TNRC18: variants seen among roughly 807,000 people sequenced by gnomAD.
TNRC18 encodes the protein trinucleotide repeat containing 18, also known as trinucleotide repeat-containing gene 18 protein.
A neutral mutation model predicts 226.7 loss-of-function variants in TNRC18; 69 were observed. That is an observed-to-expected ratio of 0.30 (90% confidence interval 0.25 to 0.37). The LOEUF is 0.37. Among genes scored for constraint, TNRC18 ranks in the 10% least tolerant of loss-of-function variants. TNRC18 has a pLI of 1.00. For missense variants in TNRC18, 4,754 were observed against 4,256.6 expected (o/e 1.12, Z -3.25); for synonymous variants, 2,449 against 1,927.6 (o/e 1.27, Z -7.09).
At position 5,388,446 on chromosome 7, in the gene TNRC18, C is replaced by T. The variant is rs761532239; in HGVS notation, c.1378G>A (p.Val460Met). 1.9e-5 allele frequency: 28 copies of T among 1,459,566 alleles called. No individual in the cohort carries two copies. Among genetic ancestry groups the T allele is most frequent in the Non-Finnish European group, 2.5e-5 (28 of 1,118,168 alleles). The allele number at this position is 1,459,566 out of a possible 1,614,324, so 90.4% of individuals were successfully genotyped here. Reference protein sequence around the residue: ...TRASPDPRAYVPAKELLKPEA... With the variant: ...TRASPDPRAYMPAKELLKPEA... ...GGCTTGAGCAGCTCCTTGGCAGGCACGTAGGCGCGGGGGTCCGGGGAGGCG... is the reference window on the plus strand; with the variant it reads ...GGCTTGAGCAGCTCCTTGGCAGGCATGTAGGCGCGGGGGTCCGGGGAGGCG... The change falls in exon 5 of 30, where the codon GTG becomes ATG. Residue 460 changes from valine (V) to methionine (M), a missense_variant. Transcript: ENST00000430969.
intron 27 of TNRC18, among the ~76,000 whole-genome samples, chr7:5,311,416 G>C (rs917147988): frequency 1.3e-5 from 2 of 152,342 alleles, no homozygotes; most frequent in African/African-American, 2.4e-5. Context: ...CCAGGCCAAG[G>C]AGCTTCAATC....
At chr7:5,360,482 G>C (rs995242738) in intron 14 of TNRC18, among the ~76,000 whole-genome samples, 1 of 152,042 alleles carries the variant, frequency 6.6e-6, no homozygotes, top group Non-Finnish European at 1.5e-5. Flanking sequence ...CGCCTGCCTC[G>C]GCCTCCTAAA....
At chr7:5,378,302 A>G (rs558623392) in intron 5 of TNRC18, among the ~76,000 whole-genome samples, 1 of 152,356 alleles carries the variant, frequency 6.6e-6, no homozygotes, top group South Asian at 2.1e-4. Flanking sequence ...CCGTGGCGAT[A>G]ATTAGGCCAA....
rs1787519811 is a variant in TNRC18 at position 5,313,558 on chromosome 7, C to G, written c.7333G>C (p.Glu2445Gln). ...PKPKKARAAEESGAKGPRRPG... is the reference protein window; with the variant it reads ...PKPKKARAAEQSGAKGPRRPG... ...CTCCGAGGGCCCTTGGCACCCGACT[C>G]CTCGGCTGCCCGCGCCTTCTTGGGC... The change falls in exon 27 of 30, where the codon GAG (glutamate) becomes CAG (glutamine). Residue 2445 changes from glutamate to glutamine, a missense_variant. Glu to Gln is a conservative substitution (Grantham distance 29, BLOSUM62 2). Coordinates refer to ENST00000430969, the MANE Select transcript of TNRC18 (RefSeq NM_001080495.3). 6.2e-7 allele frequency: 1 copy of G among 1,606,880 alleles called. No homozygotes were observed. Among genetic ancestry groups the G allele is most frequent in the African/African-American group, 1.3e-5 (1 of 74,782 alleles).
At chr7:5,329,848 T>C in intron 19 of TNRC18, 1 of 464,104 alleles carries the variant, frequency 2.2e-6, no homozygotes, top group South Asian at 1.6e-5. Context: ...CAAGAGTTCC[T>C]TCTGTTGGAG....
intron 11 of TNRC18, among the ~76,000 whole-genome samples, chr7:5,364,462 A>AACACACACACACACAC (rs58752853): frequency 9.5e-4 from 111 of 116,708 alleles, no homozygotes; most frequent in Middle Eastern, 4.1e-3. Flanking sequence ...TCTCAAAGAA[A>AACACACACACACACAC]ACACACACAC....
At chr7:5,350,435 G>A (rs1375138946) in intron 17 of TNRC18, among the ~76,000 whole-genome samples, 1 of 140,778 alleles carries the variant, frequency 7.1e-6, no homozygotes, top group Non-Finnish European at 1.6e-5. Context: ...AAACAGGGCG[G>A]GCGGGGGGCG....
rs373532696 is a variant in TNRC18 at position 5,370,655 on chromosome 7, G to A, written c.3939C>T (p.Ala1313=). 59 of 1,612,802 alleles carry A rather than the reference G, an allele frequency of 3.7e-5. No individual in the cohort carries two copies. The African/African-American group carries it at 5.5e-4, about 15-fold the overall frequency. ...GQCPSLEPQE[A]VPVLGSTCFL... The stretch of plus-strand genomic sequence containing the variant: ...AGCAGGTGCTGCCGAGTACAGGCAC[G>A]GCCTCTTGGGGCTCCAGGCTCGGGC... Residue 1313 remains alanine, a synonymous_variant, in exon 11 of 30, where the codon GCC becomes GCT. Coordinates refer to ENST00000430969, the MANE Select transcript of TNRC18 (RefSeq NM_001080495.3).
intron 2 of TNRC18, among the ~76,000 whole-genome samples, chr7:5,415,902 T>A (rs545235883): frequency 3.8e-5 from 5 of 131,124 alleles, no homozygotes; most frequent in African/African-American, 1.4e-4. Context: ...AGGCCAGGAG[T>A]TCGAGACCAG....
At chr7:5,368,654 G>T (rs1360203489) in intron 11 of TNRC18, among the ~76,000 whole-genome samples, 1 of 109,812 alleles carries the variant, frequency 9.1e-6, no homozygotes, top group Non-Finnish European at 1.8e-5. Context: ...GACAGAGTGA[G>T]ACTCTGTCTC....
At chr7:5,385,051 G>C (rs1258191539) in intron 5 of TNRC18, among the ~76,000 whole-genome samples, 2 of 152,234 alleles carry the variant, frequency 1.3e-5, no homozygotes, top group Non-Finnish European at 2.9e-5. Context: ...AGACAGGCCC[G>C]GTCCAAGGTG....
chr7:5,337,843 C>A (rs1430040035), intron 18 of TNRC18, among the ~76,000 whole-genome samples: 1 of 151,838 alleles, frequency 6.6e-6, no homozygotes, highest in Non-Finnish European at 1.5e-5. Context: ...ATTAGCCAGG[C>A]GAGGTGGGAG....
At chr7:5,359,228 CCT>C (rs1450086242) in intron 15 of TNRC18, among the ~76,000 whole-genome samples, 168 bp downstream of exon 15, 1 of 152,110 alleles carries the variant, frequency 6.6e-6, no homozygotes, top group Non-Finnish European at 1.5e-5. Context: ...TTAATCTCCC[CCT>C]CTGTACAATA....
intron 8 of TNRC18, among the ~76,000 whole-genome samples, chr7:5,376,552 G>C (rs1441610594): frequency 2.6e-5 from 4 of 152,164 alleles, no homozygotes; most frequent in Non-Finnish European, 5.9e-5. Context: ...CCTCCCAGTG[G>C]TCTACAAGGT....
intron 16 of TNRC18, among the ~76,000 whole-genome samples, chr7:5,355,782 G>A (rs1193653761): frequency 1.3e-5 from 2 of 152,114 alleles, no homozygotes; most frequent in African/African-American, 4.8e-5. Context: ...GAGGGCTAAG[G>A]CAGGAAGATC....
At chr7:5,376,502 G>C (rs143417768) in intron 8 of TNRC18, among the ~76,000 whole-genome samples, 7 of 152,180 alleles carry the variant, frequency 4.6e-5, no homozygotes, top group African/African-American at 1.7e-4. Context: ...AGACACGTAC[G>C]AGGACCACTG....
rs1486961862 is a variant in TNRC18, at chr7:5,388,128, C to T, written c.1696G>A (p.Gly566Ser). 6.5e-5 allele frequency: 101 copies of T among 1,555,728 alleles called. No homozygotes were observed. Among genetic ancestry groups the T allele is most frequent in the Middle Eastern group, 1.7e-4 (1 of 5,992 alleles). ...GAGTGCATGTCAGCGACCGGCCGGCCGCAGGTGGCCGCCGAGCGGGGCAGC... is the reference window on the plus strand; with the variant it reads ...GAGTGCATGTCAGCGACCGGCCGGCTGCAGGTGGCCGCCGAGCGGGGCAGC... ...AVLPRSAATC[G>S]RPVADMHSAA... The change falls in exon 5 of 30, where the codon GGC (glycine) becomes AGC (serine). Residue 566 changes from glycine (G) to serine (S), a missense_variant. Gly to Ser is a moderately conservative substitution (Grantham distance 56, BLOSUM62 0). Coordinates refer to ENST00000430969, the MANE Select transcript of TNRC18 (RefSeq NM_001080495.3).
chr7:5,367,165 G>C (rs1793699524), intron 11 of TNRC18, among the ~76,000 whole-genome samples: 1 of 152,082 alleles, frequency 6.6e-6, no homozygotes, highest in African/African-American at 2.4e-5. Flanking sequence ...AGGAGTTCAA[G>C]ACCAGCATGG....
At position 5,308,345 on chromosome 7, in the gene TNRC18, T is replaced by TGG. The variant is rs148493175; in HGVS notation, c.8701-35_8701-34dup. On this transcript the variant is annotated intron_variant, in intron 29 of 29. Transcript: ENST00000430969. Reference sequence around the variant, plus strand: ...CACGCGGGGATATCAGGATGGCAGGTGGGGGGCACAGAGGCCGAGGGAGCC... The same window carrying TGG: ...CACGCGGGGATATCAGGATGGCAGGTGGGGGGGGCACAGAGGCCGAGGGAGCC... 124 of 1,579,872 alleles carry TGG rather than the reference T, an allele frequency of 7.8e-5. No individual in the cohort carries two copies. The Middle Eastern group carries it at 1.0e-3, about 13-fold the overall frequency.
Sources: allele counts gnomAD v4.1 joint callset (sites outside exome capture counted in the v4.1 genomes callset), GRCh38; gene constraint gnomAD v4.1.1; transcripts MANE v1.5; gene names NCBI Gene and HGNC (gene_info 2026-07-23, HGNC 2026-07-21).